The following KANSL2 variants were observed in gnomAD, a reference collection of about 807,000 sequenced individuals.
The protein encoded by KANSL2 is NSL complex protein NSL2.
KANSL2 carries 34 observed loss-of-function variants against 55.6 expected under a neutral mutation model. That is an observed-to-expected ratio of 0.61 (90% CI 0.46 to 0.81). KANSL2 has a LOEUF of 0.81. KANSL2 is among the 40% of genes least tolerant of loss of function. The pLI, the probability that KANSL2 is intolerant of heterozygous loss-of-function variation, is 0.00. For missense variants in KANSL2, 502 were observed against 609.9 expected (o/e 0.82, Z 1.86); for synonymous variants, 209 against 214.3 (o/e 0.98, Z 0.22).
At chr12:48,675,853 T>C (rs2898086) in intron 4 of KANSL2, among the ~76,000 whole-genome samples, 5,401 of 152,262 alleles carry the variant, frequency 0.035, 144 homozygotes, top group African/African-American at 0.071. Context: ...GGTTTTATTA[T>C]TAGCATTCAT....
intron 8 of KANSL2, chr12:48,656,895 T>C: frequency 2.8e-6 from 1 of 362,638 alleles, no homozygotes; most frequent in Non-Finnish European, 5.4e-6. Flanking sequence ...AGGAGGTTTG[T>C]ACCCCCCTAT....
At position 48,669,067 on chromosome 12, in the gene KANSL2, A is replaced by C. The variant is rs953651184; in HGVS notation, c.876+39T>G. 8.5e-6 allele frequency: 12 copies of C among 1,413,222 alleles called. No individual in the cohort carries two copies. The African/African-American group carries it at 1.5e-4, about 17-fold the overall frequency. 87.5% of individuals were successfully genotyped at this position (1,413,222 alleles called of 1,614,324 possible). On this transcript the variant is annotated intron_variant, in intron 6 of 9. Transcript: ENST00000420613. ...TCGAAAAAATAAAAACAATAAATAA[A>C]GTGAACGTATATACCTTAAAGGTAT...
chr12:48,664,584 T>G (rs1338280279), intron 7 of KANSL2, among the ~76,000 whole-genome samples: 1 of 137,256 alleles, frequency 7.3e-6, no homozygotes, highest in Admixed American at 7.3e-5. Flanking sequence ...GGCCTTTTTT[T>G]TTTTTTTTTT....
intron 7 of KANSL2, 144 bp from the exon 8 acceptor site, chr12:48,660,763 T>A: frequency 1.2e-6 from 1 of 830,186 alleles, no homozygotes; most frequent in Non-Finnish European, 1.8e-6. Context: ...CAAATGCAGT[T>A]AGCAATTTTT....
At chr12:48,655,624 T>G (rs1015605451) in intron 8 of KANSL2, among the ~76,000 whole-genome samples, 1 of 150,898 alleles carries the variant, frequency 6.6e-6, no homozygotes, top group African/African-American at 2.4e-5. Context: ...AAACGGAGAA[T>G]AGTAGGGAAC....
chr12:48,672,356 C>CATATATACATGTATATATACGTATAT (rs1463836778), intron 4 of KANSL2, among the ~76,000 whole-genome samples: 1 of 141,498 alleles, frequency 7.1e-6, no homozygotes, highest in Non-Finnish European at 1.5e-5. Flanking sequence ...TTCACATATA[C>CATATATACATGTATATATACGTATAT]ATATATACAT....
chr12:48,657,859 T>C (rs1449775368), intron 8 of KANSL2, among the ~76,000 whole-genome samples: 1 of 152,106 alleles, frequency 6.6e-6, no homozygotes, highest in East Asian at 1.9e-4. Flanking sequence ...TCAGGTGATC[T>C]ACCCGTCTCG....
Position 48,667,726 on chromosome 12 carries a change from G to C in KANSL2, c.940C>G (p.Gln314Glu). ...CAGTGTCTGGTCATTGGAAGAGACT[G>C]ATTGGAACAACGAACATCATCCACA... is the stretch of plus-strand genomic sequence containing the variant. ...AFVDDVRCSNQSLPMTRHCLT... is the reference protein window; with the variant it reads ...AFVDDVRCSNESLPMTRHCLT... Residue 314 changes from glutamine to glutamate, a missense_variant, in exon 7 of 10, where the codon CAG (glutamine) becomes GAG (glutamate). Gln to Glu is a conservative substitution (Grantham distance 29). Coordinates refer to ENST00000420613, the MANE Select transcript of KANSL2 (RefSeq NM_017822.4). 6.2e-7 allele frequency: 1 copy of C among 1,613,906 alleles called. No homozygotes were observed. Among genetic ancestry groups the C allele is most frequent in the Non-Finnish European group, 8.5e-7 (1 of 1,179,784 alleles).
rs540101849 is a variant in KANSL2, at chr12:48,661,860, C to T, written c.974-1241G>A. Among the ~76,000 whole-genome samples the T allele has an allele frequency of 2.0e-5, 3 of 152,290 alleles. No individual in the cohort carries two copies. In the South Asian group the frequency reaches 6.2e-4, roughly 32 times the overall value. On this transcript the variant is annotated intron_variant, in intron 7 of 9. Transcript: ENST00000420613. ...AGTAGCACCTCCATCTGAGTTGTAA[C>T]AACCAAAAATTTCTCCACACATTGC... is the stretch of plus-strand genomic sequence containing the variant.
In KANSL2 at chr12:48,654,081, G is replaced by A; in HGVS notation, c.1442C>T (p.Thr481Ile). ...AGTGGGTTCTGGCTTCCCATTTGCA[G>A]TAGCCAATCCACTCTGAGACAATGG... is the stretch of plus-strand genomic sequence containing the variant. ...SAPLSQSGLA[T>I]ANGKPEPTSI... The change falls in exon 10 of 10, where the codon ACT (threonine) becomes ATT (isoleucine). Residue 481 changes from threonine to isoleucine, a missense_variant. Transcript: ENST00000420613. 6.2e-7 allele frequency: 1 copy of A among 1,609,904 alleles called. No homozygotes were observed. The highest frequency in any genetic ancestry group is 8.5e-7 in the Non-Finnish European group (1 of 1,178,264).
Position 48,654,165 on chromosome 12 carries a change from T to C in KANSL2, c.1358A>G (p.Gln453Arg). The C allele has an allele frequency of 6.2e-7, 1 of 1,606,698 alleles. No homozygotes were observed. The highest frequency in any genetic ancestry group is 8.5e-7 in the Non-Finnish European group (1 of 1,177,704). Residue 453 changes from glutamine to arginine, a missense_variant, in exon 10 of 10, where the codon CAG becomes CGG. Physicochemically the swap from Gln to Arg is conservative, Grantham distance 43 (BLOSUM62 1). Coordinates refer to ENST00000420613, the MANE Select transcript of KANSL2 (RefSeq NM_017822.4). ...GGATCTGCACCCATCTCCAGCCATC[T>C]GCATCTGGCCCTGTTAAAAGAAATA... is the stretch of plus-strand genomic sequence containing the variant. ...EDPVDILGQM[Q>R]MAGDGCRSQG...
intron 2 of KANSL2, among the ~76,000 whole-genome samples, chr12:48,681,045 C>T (rs193159271): frequency 4.2e-4 from 63 of 149,806 alleles, no homozygotes; most frequent in African/African-American, 8.9e-4. Flanking sequence ...CTCTGGGAGG[C>T]CGAGATGGGA....
intron 4 of KANSL2, among the ~76,000 whole-genome samples, chr12:48,672,818 G>A (rs1463986017): frequency 6.6e-6 from 1 of 151,970 alleles, no homozygotes; most frequent in African/African-American, 2.4e-5. Flanking sequence ...GAGTGCAGTG[G>A]CACAACCTTG....
chr12:48,667,132 C>T (rs1186678867), intron 7 of KANSL2, among the ~76,000 whole-genome samples: 1 of 151,190 alleles, frequency 6.6e-6, no homozygotes, highest in Non-Finnish European at 1.5e-5. Context: ...TGCAGTGAGC[C>T]GAGATCACGC....
In KANSL2 at chr12:48,654,902, A is replaced by G. The variant is rs765422196; in HGVS notation, c.1347+39T>C. The G allele has an allele frequency of 6.4e-6, 10 of 1,550,958 alleles. No individual in the cohort carries two copies. The South Asian group carries it at 1.2e-4, about 19-fold the overall frequency. ...AGGGAACCCTCTGCCTGGCCAGGTC[A>G]CTACATGAGGGAAACAGGTGGGACT... On this transcript the variant is annotated intron_variant, in intron 9 of 9. Coordinates refer to ENST00000420613, the MANE Select transcript of KANSL2 (RefSeq NM_017822.4).
At chr12:48,680,050 ATCCCAG>A (rs1939891737) in intron 2 of KANSL2, 1 of 472,500 alleles carries the variant, frequency 2.1e-6, no homozygotes. Context: ...CACCCTTGTA[ATCCCAG>A]CACTTTGGGA....
chr12:48,668,606 G>A (rs761131209), intron 6 of KANSL2, among the ~76,000 whole-genome samples: 5 of 152,186 alleles, frequency 3.3e-5, no homozygotes, highest in Non-Finnish European at 2.9e-5. Context: ...GGCTGAGGGA[G>A]GAGAATCACT....
chr12:48,675,846 T>C (rs569168016), intron 4 of KANSL2, among the ~76,000 whole-genome samples: 1 of 152,326 alleles, frequency 6.6e-6, no homozygotes, highest in South Asian at 2.1e-4. Context: ...AAGTCAAGGT[T>C]TTATTATTAG....
chr12:48,665,577 A>G lies in KANSL2; in HGVS notation c.973+2116T>C, dbSNP rs895914853. On this transcript the variant is annotated intron_variant, in intron 7 of 9. Transcript: ENST00000420613. ...AGATTCTGTCTCAAAAAAAACAAAT[A>G]AAGAAAATAAGTTTTAATTTCCAAA... Among the ~76,000 whole-genome samples, 3 of 152,136 alleles carry G rather than the reference A, an allele frequency of 2.0e-5. No homozygotes were observed. The East Asian group carries it at 5.8e-4, about 29-fold the overall frequency.
Sources: allele counts gnomAD v4.1 joint callset (sites outside exome capture counted in the v4.1 genomes callset), GRCh38; gene constraint gnomAD v4.1.1; transcripts MANE v1.5; gene names NCBI Gene and HGNC (gene_info 2026-07-23, HGNC 2026-07-21).